FBRSL1: variants seen among roughly 807,000 people sequenced by gnomAD.
FBRSL1 encodes fibrosin-1-like protein.
Under a neutral mutation model 89.6 loss-of-function variants are expected in FBRSL1, and 51 were observed. The ratio of observed to expected loss-of-function variants is 0.57; its 90% confidence interval spans 0.45 to 0.72. FBRSL1 has a LOEUF of 0.72. FBRSL1 is among the 30% of genes least tolerant of loss of function. The pLI is 0.00. For synonymous variants in FBRSL1, 779 were observed against 681.1 expected (o/e 1.14, Z -2.24); for missense variants, 1,618 against 1,451.8 (o/e 1.11, Z -1.86).
intron 5 of FBRSL1, among the ~76,000 whole-genome samples, chr12:132,567,233 G>T (rs1216568075): frequency 6.6e-6 from 1 of 152,142 alleles, no homozygotes; most frequent in Non-Finnish European, 1.5e-5. Flanking sequence ...TCTTCACTCA[G>T]ACCCCCTCTA....
In FBRSL1 at chr12:132,546,631, G is replaced by A. The variant is rs927279848; in HGVS notation, c.616-1372G>A. On this transcript the variant is annotated intron_variant, in intron 4 of 18. Coordinates refer to ENST00000680143, the MANE Select transcript of FBRSL1 (RefSeq NM_001367871.1). The surrounding 1 kb of genome is among the most constrained non-coding windows in gnomAD (Gnocchi z 4.0). Reference sequence around the variant, plus strand: ...GGACCCTAGGAGAGGGCTTGGCCACGGCTGAAAGGCCAGACCAGGGGGGAC... The same window carrying A: ...GGACCCTAGGAGAGGGCTTGGCCACAGCTGAAAGGCCAGACCAGGGGGGAC... Among the ~76,000 whole-genome samples the A allele has an allele frequency of 6.6e-6, 1 of 152,010 alleles. No homozygotes were observed. Among genetic ancestry groups the A allele is most frequent in the Non-Finnish European group, 1.5e-5 (1 of 67,966 alleles).
At position 132,581,374 on chromosome 12, in the gene FBRSL1, G is replaced by A; in HGVS notation, c.1835-65G>A. On this transcript the variant is annotated intron_variant, in intron 15 of 18. Coordinates refer to ENST00000680143, the MANE Select transcript of FBRSL1 (RefSeq NM_001367871.1). ...GAAATTGGGGTGCTCCCTGTGAACA[G>A]AGCTGCAGATGGGAGGCCCTGGTGC... is the stretch of plus-strand genomic sequence containing the variant. 7.7e-6 allele frequency: 12 copies of A among 1,550,456 alleles called. No individual in the cohort carries two copies. In the Admixed American group the frequency reaches 2.2e-4, roughly 28 times the overall value.
chr12:132,574,222 G>T (rs565211313), intron 12 of FBRSL1, 64 bp downstream of exon 12: 197 of 1,441,350 alleles, frequency 1.4e-4, no homozygotes, highest in Non-Finnish European at 1.7e-4. Flanking sequence ...GGCCCTGTGC[G>T]GGCTGGTGGC....
intron 2 of FBRSL1, among the ~76,000 whole-genome samples, chr12:132,520,068 C>T (rs2136820601): frequency 6.6e-6 from 1 of 151,806 alleles, no homozygotes; most frequent in East Asian, 1.9e-4. Flanking sequence ...TCGCACTCCT[C>T]CAGCACCCCC....
At chr12:132,494,780 AAGGTCCACGTGTGTCCC>A (rs1284627798) in intron 1 of FBRSL1, among the ~76,000 whole-genome samples, 4 of 152,170 alleles carry the variant, frequency 2.6e-5, no homozygotes, top group African/African-American at 9.7e-5. Context: ...GGCCACGCAG[AAGGTCCACGTGTGTCCC>A]AGGAATAAAG....
At chr12:132,554,192 G>GGA (rs1225985074) in intron 5 of FBRSL1, 1 of 152,244 alleles carries the variant, frequency 6.6e-6, no homozygotes, top group Non-Finnish European at 1.5e-5. Context: ...CACCGCCTTG[G>GGA]GAGGGGTCAG....
intron 5 of FBRSL1, chr12:132,553,494 C>T (rs572997728): frequency 6.6e-6 from 1 of 151,852 alleles, no homozygotes; most frequent in Non-Finnish European, 1.5e-5. Flanking sequence ...TGGTGGGGGC[C>T]TGCTGGGGAC....
chr12:132,510,601 T>G (rs2034221405), intron 2 of FBRSL1: 1 of 1,230,816 alleles, frequency 8.1e-7, no homozygotes, highest in Non-Finnish European at 1.0e-6. Context: ...CTGAGCTGTT[T>G]GTCGTTGGAA....
At position 132,581,746 on chromosome 12, in the gene FBRSL1, T is replaced by G. The variant is rs1320092077; in HGVS notation, c.1918T>G (p.Phe640Val). 7 of 1,550,002 alleles carry G rather than the reference T, an allele frequency of 4.5e-6. No homozygotes were observed. In the African/African-American group the frequency reaches 6.8e-5, roughly 15 times the overall value. The stretch of plus-strand genomic sequence containing the variant: ...TCCCGCGGTTGCCCCCACAGACCCT[T>G]TCAGCAGACCGAGCACCTTTGGGGG... ...FLPTGPLTDP[F>V]SRPSTFGGLG... Residue 640 changes from phenylalanine (F) to valine (V), a missense_variant, in exon 17 of 19, where the codon TTC (phenylalanine) becomes GTC (valine). Phe to Val is a conservative substitution (Grantham distance 50). Coordinates refer to ENST00000680143, the MANE Select transcript of FBRSL1 (RefSeq NM_001367871.1).
At chr12:132,492,651 C>G (rs951041435) in intron 1 of FBRSL1, among the ~76,000 whole-genome samples, 6 of 152,264 alleles carry the variant, frequency 3.9e-5, no homozygotes, top group African/African-American at 1.4e-4. Context: ...GGCAGGGTCA[C>G]GTGCCCCCAG....
chr12:132,530,999 G>T (rs1241031643), intron 4 of FBRSL1, among the ~76,000 whole-genome samples: 1 of 150,342 alleles, frequency 6.7e-6, no homozygotes, highest in Non-Finnish European at 1.5e-5. Context: ...CAGTGTGGGG[G>T]GGGGGGTGCA....
intron 4 of FBRSL1, among the ~76,000 whole-genome samples, chr12:132,545,912 G>A (rs191987789): frequency 7.3e-4 from 111 of 152,332 alleles, no homozygotes; most frequent in African/African-American, 2.2e-3. Context: ...TGTGAGGCTA[G>A]AAGGGCACCT....
intron 2 of FBRSL1, among the ~76,000 whole-genome samples, chr12:132,524,468 G>T (rs1283041719): frequency 2.0e-5 from 3 of 152,270 alleles, no homozygotes; most frequent in African/African-American, 7.2e-5. Context: ...GCCTGTTGCT[G>T]CAGGAGGTGC....
At chr12:132,556,206 AAC>A (rs1278570364) in intron 5 of FBRSL1, among the ~76,000 whole-genome samples, 6 of 152,102 alleles carry the variant, frequency 3.9e-5, no homozygotes. Flanking sequence ...GGAGATGGTG[AAC>A]ACACGCTTCT....
intron 4 of FBRSL1, among the ~76,000 whole-genome samples, chr12:132,530,439 T>C (rs1007053996): frequency 6.6e-6 from 1 of 150,650 alleles, no homozygotes; most frequent in African/African-American, 2.4e-5. Flanking sequence ...GAGGGCCGGG[T>C]CTTAAGCTCT....
intron 1 of FBRSL1, among the ~76,000 whole-genome samples, chr12:132,504,243 G>GC (rs2033389457): frequency 2.5e-4 from 1 of 3,992 alleles, no homozygotes; most frequent in Admixed American, 2.5e-3. Flanking sequence ...GTCCCAAAGA[G>GC]GGGCAGCAGG....
chr12:132,579,976 A>G (rs2040631616), intron 15 of FBRSL1, among the ~76,000 whole-genome samples: 1 of 152,136 alleles, frequency 6.6e-6, no homozygotes, highest in African/African-American at 2.4e-5. Flanking sequence ...GTCGGTGTCC[A>G]TCCGTCACGC....
intron 1 of FBRSL1, chr12:132,507,519 C>T (rs566210981): frequency 1.4e-4 from 108 of 745,320 alleles, no homozygotes; most frequent in Non-Finnish European, 1.6e-4. Context: ...CTGAAGGAGT[C>T]GAGATGGGAC....
At chr12:132,511,690 G>T (rs2034359069) in intron 2 of FBRSL1, 1 of 985,502 alleles carries the variant, frequency 1.0e-6, no homozygotes, top group Non-Finnish European at 1.2e-6. Context: ...TCAGGAAGGG[G>T]ATGGGTGTCC....
Sources: allele counts gnomAD v4.1 joint callset (sites outside exome capture counted in the v4.1 genomes callset), GRCh38; gene constraint gnomAD v4.1.1; non-coding constraint Gnocchi (gnomAD v3.1); transcripts MANE v1.5; gene names NCBI Gene and HGNC (gene_info 2026-07-23, HGNC 2026-07-21).